Variants in ST18 observed in about 807,000 individuals in gnomAD.
ST18 encodes the protein suppression of tumorigenicity 18 protein.
In ST18, 50 loss-of-function variants were observed where a neutral mutation model predicts 110.0. That is an observed-to-expected ratio of 0.45 (90% CI 0.36 to 0.58). The LOEUF is 0.58. Ranked by LOEUF, ST18 falls within the 20% of genes least tolerant of loss-of-function variation. The probability of loss-of-function intolerance (pLI) is 0.00; values close to 1 mark genes in which losing one functional copy is unlikely to be tolerated. For synonymous variants in ST18, 461 were observed against 452.4 expected (o/e 1.02, Z -0.24); for missense variants, 1,306 against 1,280.1 (o/e 1.02, Z -0.31).
At chr8:52,403,118 TG>T (rs1843310724) in intron 2 of ST18, among the ~76,000 whole-genome samples, 3 of 151,868 alleles carry the variant, frequency 2.0e-5, no homozygotes, top group Admixed American at 2.0e-4. Flanking sequence ...GCAACTTGGA[TG>T]GGGGAAATGG....
At chr8:52,171,693 A>C (rs1587683498) in intron 10 of ST18, 99 bp downstream of exon 10, 5 of 1,273,592 alleles carry the variant, frequency 3.9e-6, no homozygotes, top group South Asian at 1.3e-5. Context: ...GTTGCATTAA[A>C]CTGTTAAAAA....
At chr8:52,318,412 C>T (rs528481186) in intron 2 of ST18, among the ~76,000 whole-genome samples, 38 of 152,166 alleles carry the variant, frequency 2.5e-4, no homozygotes, top group African/African-American at 7.7e-4. Context: ...ATGCTGGCAA[C>T]GTTGTGGAGA....
chr8:52,357,319 C>T lies in ST18; in HGVS notation c.-465+52009G>A, dbSNP rs560972158. ...AAATAGAAAACTGGCAGAAGTAAGT[C>T]GTTTCTTACCAGTGACTACTTTAAA... On this transcript the variant is annotated intron_variant, in intron 2 of 25. Coordinates refer to ENST00000689386, the MANE Select transcript of ST18 (RefSeq NM_001352837.2). 8.6e-5 allele frequency among the ~76,000 whole-genome samples: 13 copies of T among 152,026 alleles called. No homozygotes were observed. The East Asian group carries it at 2.3e-3, about 27-fold the overall frequency.
At chr8:52,138,389 G>A (rs1474815505) in intron 17 of ST18, among the ~76,000 whole-genome samples, 1 of 152,186 alleles carries the variant, frequency 6.6e-6, no homozygotes. Flanking sequence ...CCATTAAGAT[G>A]TGTGCCCCTG....
intron 8 of ST18, 60 bp from the exon 9 acceptor site, chr8:52,180,372 T>C: frequency 6.3e-7 from 1 of 1,580,092 alleles, no homozygotes; most frequent in Admixed American, 1.7e-5. Context: ...TGTTTGGCAT[T>C]TAACTTTCAT....
intron 8 of ST18, among the ~76,000 whole-genome samples, chr8:52,182,041 A>C (rs2069881457): frequency 6.6e-6 from 1 of 152,180 alleles, no homozygotes; most frequent in African/African-American, 2.4e-5. Context: ...CCACCAAAAA[A>C]AATCCTTGCA....
intron 10 of ST18, among the ~76,000 whole-genome samples, chr8:52,169,779 T>G (rs1021217630): frequency 3.9e-5 from 6 of 152,212 alleles, no homozygotes; most frequent in Admixed American, 3.3e-4. Flanking sequence ...CAATGTGGGC[T>G]TCACCTTCTT....
At chr8:52,401,812 C>T (rs945975768) in intron 2 of ST18, among the ~76,000 whole-genome samples, 1 of 151,998 alleles carries the variant, frequency 6.6e-6, no homozygotes, top group Admixed American at 6.6e-5. Flanking sequence ...TGGCCAGTTA[C>T]TAGGGAATTA....
chr8:52,275,909 C>T lies in ST18; in HGVS notation c.-464-45832G>A, dbSNP rs570379672. On this transcript the variant is annotated intron_variant, in intron 2 of 25. Coordinates refer to ENST00000689386, the MANE Select transcript of ST18 (RefSeq NM_001352837.2). ...CAGCAAGAAACAAATGTGAGAAGCACTTCTTTATGGATCCAGGAAAACACA... is the reference window on the plus strand; with the variant it reads ...CAGCAAGAAACAAATGTGAGAAGCATTTCTTTATGGATCCAGGAAAACACA... 7.3e-5 allele frequency among the ~76,000 whole-genome samples: 11 copies of T among 151,104 alleles called. No homozygotes were observed. The East Asian group carries it at 1.8e-3, about 24-fold the overall frequency.
intron 2 of ST18, among the ~76,000 whole-genome samples, chr8:52,237,147 G>A (rs2092793663): frequency 1.3e-5 from 2 of 152,316 alleles, no homozygotes; most frequent in Admixed American, 6.5e-5. Flanking sequence ...TAGACATTCA[G>A]TAAAATGCCA....
chr8:52,356,506 T>C (rs1822819796), intron 2 of ST18, among the ~76,000 whole-genome samples: 1 of 150,752 alleles, frequency 6.6e-6, no homozygotes, highest in Non-Finnish European at 1.5e-5. Context: ...AAGGGGAGAG[T>C]CTGATTTACA....
chr8:52,323,671 C>T (rs1804995780), intron 2 of ST18, among the ~76,000 whole-genome samples: 1 of 152,122 alleles, frequency 6.6e-6, no homozygotes, highest in Non-Finnish European at 1.5e-5. Context: ...AATCCAAAAC[C>T]CTCTGCCTCC....
At chr8:52,402,020 G>A (rs1842931977) in intron 2 of ST18, among the ~76,000 whole-genome samples, 1 of 152,182 alleles carries the variant, frequency 6.6e-6, no homozygotes, top group African/African-American at 2.4e-5. Context: ...AGTGGGTGCA[G>A]TAATGTAGTC....
chr8:52,391,521 T>C (rs919788467), intron 2 of ST18, among the ~76,000 whole-genome samples: 2 of 152,220 alleles, frequency 1.3e-5, no homozygotes, highest in African/African-American at 2.4e-5. Flanking sequence ...CTCATGAGAT[T>C]ATAATACCAC....
intron 2 of ST18, among the ~76,000 whole-genome samples, chr8:52,307,738 G>C (rs1364988374): frequency 1.3e-5 from 2 of 152,132 alleles, no homozygotes; most frequent in South Asian, 4.1e-4. Flanking sequence ...TTAATGCTGT[G>C]TACATGTGTC....
At chr8:52,370,954 T>C (rs1413671302) in intron 2 of ST18, among the ~76,000 whole-genome samples, 1 of 152,246 alleles carries the variant, frequency 6.6e-6, no homozygotes, top group Non-Finnish European at 1.5e-5. Context: ...GTGGCTTTTA[T>C]AGTAGGGTAA....
intron 2 of ST18, among the ~76,000 whole-genome samples, chr8:52,327,697 C>T (rs1013549367): frequency 6.6e-6 from 1 of 152,156 alleles, no homozygotes; most frequent in African/African-American, 2.4e-5. Context: ...CCAGTGCCAC[C>T]CAGTTGCTGG....
At chr8:52,404,873 G>A (rs1426256833) in intron 2 of ST18, 1 of 152,086 alleles carries the variant, frequency 6.6e-6, no homozygotes, top group Non-Finnish European at 1.5e-5. Flanking sequence ...ATGCTTCCAA[G>A]TACTCAAAAC....
At chr8:52,399,546 T>A (rs1259501189) in intron 2 of ST18, among the ~76,000 whole-genome samples, 1 of 152,192 alleles carries the variant, frequency 6.6e-6, no homozygotes. Flanking sequence ...GGATCTTTCT[T>A]CTTTTTTAAT....
Sources: gnomAD v4.1 joint callset for allele counts (sites outside exome capture counted in the v4.1 genomes callset) on GRCh38, gnomAD v4.1.1 for gene constraint, MANE v1.5 for transcripts, NCBI Gene and HGNC (gene_info 2026-07-23, HGNC 2026-07-21) for gene names.